ABCA12: variants seen among roughly 807,000 people sequenced by gnomAD.
ABCA12 encodes the protein ATP binding cassette subfamily A member 12.
A neutral mutation model predicts 293.5 loss-of-function variants in ABCA12; 156 were observed. That is an observed-to-expected ratio of 0.53 (90% CI 0.47 to 0.61). The LOEUF is 0.61. ABCA12 is among the 20% of genes least tolerant of loss of function. ABCA12 has a pLI of 0.00. For missense variants in ABCA12, 2,797 were observed against 3,090.2 expected (o/e 0.91, Z 2.25); for synonymous variants, 1,063 against 1,108.0 (o/e 0.96, Z 0.81).
intron 3 of ABCA12, among the ~76,000 whole-genome samples, chr2:215,060,942 A>T (rs1701515407): frequency 6.6e-6 from 1 of 152,038 alleles, no homozygotes; most frequent in Non-Finnish European, 1.5e-5. Flanking sequence ...GAGCAAATCC[A>T]CAGAGGAAAC....
intron 39 of ABCA12, among the ~76,000 whole-genome samples, chr2:214,964,687 C>T (rs1260279966): frequency 6.6e-6 from 1 of 152,128 alleles, no homozygotes; most frequent in East Asian, 1.9e-4. Context: ...TGAAGGACCT[C>T]TTCAAGAGAA....
intron 9 of ABCA12, chr2:215,028,911 C>G (rs1700810132): frequency 1.3e-5 from 2 of 152,134 alleles, no homozygotes; most frequent in Non-Finnish European, 2.9e-5. Flanking sequence ...ATGATAGTTT[C>G]AGAATGTTGA....
chr2:214,951,957 T>C (rs1698788205), intron 44 of ABCA12, among the ~76,000 whole-genome samples: 1 of 152,114 alleles, frequency 6.6e-6, no homozygotes, highest in Non-Finnish European at 1.5e-5. Context: ...GTACTTGTTT[T>C]ACTAATGTCT....
chr2:214,959,551 A>AAAT (rs1158882073), intron 39 of ABCA12, among the ~76,000 whole-genome samples: 3 of 152,092 alleles, frequency 2.0e-5, no homozygotes, highest in Non-Finnish European at 4.4e-5. Flanking sequence ...TGTGTTGGGG[A>AAAT]AATAGTGTAG....
chr2:215,108,877 G>A (rs1702513850), intron 2 of ABCA12, among the ~76,000 whole-genome samples: 1 of 152,098 alleles, frequency 6.6e-6, no homozygotes, highest in Non-Finnish European at 1.5e-5. Flanking sequence ...GACCAGCCTG[G>A]CCAAGATGGT....
chr2:214,957,376 G>C (rs1698983403), intron 41 of ABCA12, among the ~76,000 whole-genome samples: 1 of 152,170 alleles, frequency 6.6e-6, no homozygotes, highest in South Asian at 2.1e-4. Flanking sequence ...GGGTGGGGAG[G>C]AATCTCCTAA....
At chr2:214,992,231 AG>A (rs1175554738) in intron 23 of ABCA12, among the ~76,000 whole-genome samples, 1 of 151,744 alleles carries the variant, frequency 6.6e-6, no homozygotes. Context: ...TCACGAGGTC[AG>A]GAGACAGAGA....
At chr2:215,011,062 T>G (rs1399836149) in intron 17 of ABCA12, among the ~76,000 whole-genome samples, 1 of 152,134 alleles carries the variant, frequency 6.6e-6, no homozygotes, top group East Asian at 1.9e-4. Flanking sequence ...GGAAAAAAAT[T>G]TCAACCCAAA....
At chr2:214,967,858 T>C (rs1172259541) in intron 38 of ABCA12, among the ~76,000 whole-genome samples, 1 of 152,188 alleles carries the variant, frequency 6.6e-6, no homozygotes, top group Non-Finnish European at 1.5e-5. Context: ...GTATGTCTCT[T>C]ACTACCAGAT....
At chr2:215,031,584 G>T (rs1309380260) in intron 9 of ABCA12, among the ~76,000 whole-genome samples, 1 of 152,178 alleles carries the variant, frequency 6.6e-6, no homozygotes, top group Non-Finnish European at 1.5e-5. Flanking sequence ...ATCTAGTTAT[G>T]CAAGCTCAGA....
At chr2:215,100,669 C>T (rs1200826294) in intron 2 of ABCA12, among the ~76,000 whole-genome samples, 2 of 152,114 alleles carry the variant, frequency 1.3e-5, no homozygotes, top group Admixed American at 6.5e-5. Context: ...TGTTTCTTCA[C>T]TTTACAATTC....
At chr2:215,067,769 T>C (rs966584692) in intron 2 of ABCA12, among the ~76,000 whole-genome samples, 8 of 152,138 alleles carry the variant, frequency 5.3e-5, no homozygotes, top group East Asian at 1.9e-4. Context: ...GTCTACCTCA[T>C]TGACACTGTC....
chr2:215,037,210 T>C, intron 7 of ABCA12, 145 bp from the exon 8 acceptor site: 1 of 692,860 alleles, frequency 1.4e-6, no homozygotes. Flanking sequence ...ATTTAATTAC[T>C]TGTTTGTCTG....
chr2:215,100,677 T>A lies in ABCA12; in HGVS notation c.163+10920A>T, dbSNP rs1268787747. Among the ~76,000 whole-genome samples the A allele has an allele frequency of 2.0e-5, 3 of 152,308 alleles. No homozygotes were observed. The East Asian group carries it at 5.8e-4, about 29-fold the overall frequency. Reference sequence around the variant, plus strand: ...TCTTGTGTGTTTCTTCACTTTACAATTCCATCGTAAGCAACTTGAGGTCAG... The same window carrying A: ...TCTTGTGTGTTTCTTCACTTTACAAATCCATCGTAAGCAACTTGAGGTCAG... On this transcript the variant is annotated intron_variant, in intron 2 of 52. Transcript: ENST00000272895.
At chr2:214,979,902 A>G (rs375922950) in intron 31 of ABCA12, among the ~76,000 whole-genome samples, 6 of 152,316 alleles carry the variant, frequency 3.9e-5, no homozygotes, top group African/African-American at 1.2e-4. Context: ...CAGTATTTTT[A>G]AATCATATGT....
Position 214,981,954 on chromosome 2 carries a change from A to T in ABCA12, c.4579+233T>A, listed in dbSNP as rs1253883335. 1.2e-3 allele frequency among the ~76,000 whole-genome samples: 150 copies of T among 124,930 alleles called. 2 individuals are homozygous for T. Among genetic ancestry groups the T allele is most frequent in the Middle Eastern group, 4.3e-3 (1 of 232 alleles). 82.0% of individuals were successfully genotyped at this position (124,930 alleles called of 152,430 possible). On this transcript the variant is annotated intron_variant, in intron 30 of 52. Coordinates refer to ENST00000272895, the MANE Select transcript of ABCA12 (RefSeq NM_173076.3). ...ACAGTCAGCTGTTTTTATTATTATT[A>T]TTATTATTATTATTATTATTATTAT... is the stretch of plus-strand genomic sequence containing the variant.
Position 215,010,992 on chromosome 2 carries a change from G to A in ABCA12, c.2332+447C>T, listed in dbSNP as rs192870104. Among the ~76,000 whole-genome samples, 223 of 152,290 alleles carry A rather than the reference G, an allele frequency of 1.5e-3. 1 individual carries two copies. The highest frequency in any genetic ancestry group is 4.7e-4 in the Non-Finnish European group (32 of 68,020). ...TTTGATGTGCCACGAGACATTTACG[G>A]TTCTGCTGCAGTCATGCAACTCTAC... On this transcript the variant is annotated intron_variant, in intron 17 of 52. Transcript: ENST00000272895.
chr2:215,072,278 T>G (rs1701753035), intron 2 of ABCA12, among the ~76,000 whole-genome samples: 1 of 152,108 alleles, frequency 6.6e-6, no homozygotes, highest in Admixed American at 6.5e-5. Context: ...AGACGGATTT[T>G]GAAAAGTACA....
chr2:215,023,199 G>A (rs905302721), intron 11 of ABCA12: 1 of 152,184 alleles, frequency 6.6e-6, no homozygotes, highest in Non-Finnish European at 1.5e-5. Context: ...GAAACTCTAG[G>A]AGTTTGTCTT....
Sources: allele counts gnomAD v4.1 joint callset (sites outside exome capture counted in the v4.1 genomes callset), GRCh38; gene constraint gnomAD v4.1.1; transcripts MANE v1.5; gene names NCBI Gene and HGNC (gene_info 2026-07-23, HGNC 2026-07-21).